Variants in ACCSL observed in about 807,000 individuals in gnomAD.
ACCSL encodes the protein 1-aminocyclopropane-1-carboxylate synthase homolog (inactive) like, also known as probable inactive 1-aminocyclopropane-1-carboxylate synthase-like protein 2.
ACCSL carries 55 observed loss-of-function variants against 61.7 expected under a neutral mutation model. That is an observed-to-expected ratio of 0.89 (90% CI 0.72 to 1.12). The LOEUF is 1.12. ACCSL is among the 50% of genes most tolerant of loss of function. ACCSL has a pLI of 0.00. For synonymous variants in ACCSL, 258 were observed against 264.3 expected (o/e 0.98, Z 0.23); for missense variants, 632 against 698.0 (o/e 0.91, Z 1.07).
the ACCSL span, among the ~76,000 whole-genome samples, chr11:44,026,936 C>G: frequency 1.3e-5 from 2 of 152,186 alleles, no homozygotes; most frequent in South Asian, 4.1e-4. Context: ...CCATGTTGGT[C>G]AGGCTGGTCT....
chr11:43,981,301 C>A, the ACCSL span, among the ~76,000 whole-genome samples: 4 of 152,096 alleles, frequency 2.6e-5, no homozygotes, highest in African/African-American at 7.2e-5. Context: ...CTAGAGGGCA[C>A]AACTCCCTGG....
the ACCSL span, among the ~76,000 whole-genome samples, chr11:44,017,751 A>G: frequency 6.6e-6 from 1 of 152,152 alleles, no homozygotes; most frequent in Admixed American, 6.5e-5. Flanking sequence ...GAGGACATTC[A>G]GGTGGATCAT....
At chr11:44,016,401 G>A in the ACCSL span, among the ~76,000 whole-genome samples, 1 of 152,156 alleles carries the variant, frequency 6.6e-6, no homozygotes, top group Admixed American at 6.5e-5. Flanking sequence ...GCTGAGCTGG[G>A]GGAGGGGGAA....
the ACCSL span, among the ~76,000 whole-genome samples, chr11:44,036,914 T>G: frequency 6.6e-6 from 1 of 152,210 alleles, no homozygotes; most frequent in Non-Finnish European, 1.5e-5. Flanking sequence ...CTCTTCCCAC[T>G]GGCTGCACCT....
At chr11:44,029,534 A>G in the ACCSL span, among the ~76,000 whole-genome samples, 16 of 152,206 alleles carry the variant, frequency 1.1e-4, no homozygotes, top group Non-Finnish European at 7.3e-5. Context: ...GTCAGAATGA[A>G]TCACTGGCAG....
the ACCSL span, among the ~76,000 whole-genome samples, chr11:44,015,751 T>C: frequency 6.6e-6 from 1 of 152,222 alleles, no homozygotes; most frequent in Non-Finnish European, 1.5e-5. Context: ...GAGCCTGGGC[T>C]GCGTCATCAG....
the ACCSL span, among the ~76,000 whole-genome samples, chr11:43,923,906 T>G: frequency 1.3e-5 from 2 of 152,286 alleles, no homozygotes; most frequent in African/African-American, 4.8e-5. Flanking sequence ...ACGACGCTGT[T>G]AGGATGATTT....
chr11:44,034,278 G>C, the ACCSL span, among the ~76,000 whole-genome samples: 1 of 152,254 alleles, frequency 6.6e-6, no homozygotes, highest in South Asian at 2.1e-4. Context: ...AGGCACAGGT[G>C]GGACTTGGCA....
At chr11:43,974,125 A>G in the ACCSL span, 5 of 152,250 alleles carry the variant, frequency 3.3e-5, no homozygotes, top group African/African-American at 1.2e-4. Context: ...ATGAGATTCC[A>G]CAGGCAGGAA....
chr11:44,025,942 T>A, the ACCSL span, among the ~76,000 whole-genome samples: 2 of 152,210 alleles, frequency 1.3e-5, no homozygotes, highest in Non-Finnish European at 2.9e-5. Flanking sequence ...TGTACATGAG[T>A]AACTTTGCTC....
At chr11:44,005,728 C>T in the ACCSL span, among the ~76,000 whole-genome samples, 13 of 152,148 alleles carry the variant, frequency 8.5e-5, no homozygotes, top group African/African-American at 3.1e-4. Flanking sequence ...CGCCCTCTAC[C>T]CCCAGGTAAA....
chr11:43,957,429 T>A, the ACCSL span, among the ~76,000 whole-genome samples: 1 of 152,068 alleles, frequency 6.6e-6, no homozygotes, highest in Non-Finnish European at 1.5e-5. Context: ...ATGCTTAAGA[T>A]AGGGGTTGTG....
intron 13 of ACCSL, 106 bp downstream of exon 13, chr11:44,058,805 C>A: frequency 1.5e-6 from 2 of 1,338,618 alleles, no homozygotes; most frequent in Non-Finnish European, 2.0e-6. Flanking sequence ...GCCCTTTATT[C>A]CCTGTTTCCA....
At chr11:43,924,325 G>A in the ACCSL span, among the ~76,000 whole-genome samples, 4 of 152,232 alleles carry the variant, frequency 2.6e-5, no homozygotes, top group East Asian at 1.9e-4. Context: ...GGGACCTCCC[G>A]TCCCCCAGCC....
At chr11:44,023,116 GGCTCACTGCA>G in the ACCSL span, among the ~76,000 whole-genome samples, 3 of 141,606 alleles carry the variant, frequency 2.1e-5, no homozygotes, top group South Asian at 2.3e-4. Flanking sequence ...GCACCATCAT[GGCTCACTGCA>G]GCTCACTGCA....
At chr11:44,052,123 C>T (rs953990388) in intron 5 of ACCSL, among the ~76,000 whole-genome samples, 17 of 152,192 alleles carry the variant, frequency 1.1e-4, no homozygotes, top group African/African-American at 2.4e-4. Flanking sequence ...TGAACCTCCC[C>T]GGTAACAATG....
At position 44,053,476 on chromosome 11, in the gene ACCSL, C is replaced by G; in HGVS notation, c.1019C>G (p.Ser340Ter). The change falls in exon 8 of 14, where the codon TCA becomes TGA. Residue 340 changes from serine to a stop codon, truncating the protein, a stop_gained. Coordinates refer to ENST00000378832, the MANE Select transcript of ACCSL (RefSeq NM_001031854.2). LOFTEE classifies it high-confidence loss of function. The part of the protein sequence containing the change: ...NPLGDIYSPD[S>*]LMKYLEFAKR... ...CTGGGTGACATCTACTCCCCAGACT[C>G]ACTGATGAAATACCTGGAATTTGCC... 6.2e-7 allele frequency: 1 copy of G among 1,614,148 alleles called. No homozygotes were observed. Among genetic ancestry groups the G allele is most frequent in the Non-Finnish European group, 8.5e-7 (1 of 1,180,014 alleles).
chr11:43,972,512 A>C, the ACCSL span, among the ~76,000 whole-genome samples: 1 of 152,076 alleles, frequency 6.6e-6, no homozygotes, highest in African/African-American at 2.4e-5. Context: ...TGGCCTCAGA[A>C]CTCATCTAAA....
the ACCSL span, among the ~76,000 whole-genome samples, chr11:43,968,987 T>G: frequency 2.6e-5 from 4 of 152,174 alleles, no homozygotes; most frequent in Non-Finnish European, 5.9e-5. Flanking sequence ...AGATTCCTAC[T>G]TTCACTTACT....
Sources: allele counts gnomAD v4.1 joint callset (sites outside exome capture counted in the v4.1 genomes callset), GRCh38; gene constraint gnomAD v4.1.1; transcripts MANE v1.5; gene names NCBI Gene and HGNC (gene_info 2026-07-23, HGNC 2026-07-21).